Variants in APOLD1 observed in about 807,000 individuals in gnomAD.
APOLD1 encodes apolipoprotein L domain-containing protein 1.
APOLD1 carries 22 observed loss-of-function variants against 15.3 expected under a neutral mutation model. The observed-to-expected ratio is 1.44, with a 90% CI of 1.03 to 2.05. The LOEUF is 2.05. Ranked by LOEUF, APOLD1 falls within the 30% of genes most tolerant of loss-of-function variation. The pLI, the probability that APOLD1 is intolerant of heterozygous loss-of-function variation, is 0.00. For missense variants in APOLD1, 394 were observed against 353.5 expected (o/e 1.11, Z -0.92); for synonymous variants, 190 against 167.4 (o/e 1.13, Z -1.04).
intron 1 of APOLD1, among the ~76,000 whole-genome samples, chr12:12,774,399 A>T (rs1947012519): frequency 6.6e-6 from 1 of 151,700 alleles, no homozygotes. Context: ...TACAAAAATT[A>T]TCTGGGTATG....
chr12:12,783,083 G>A (rs1264318298), upstream of APOLD1, among the ~76,000 whole-genome samples: 1 of 152,016 alleles, frequency 6.6e-6, no homozygotes, highest in Non-Finnish European at 1.5e-5. Flanking sequence ...GTGCACGCCT[G>A]TAATCCCAGC....
At chr12:12,786,452 AGT>A (rs1947125048) in intron 1 of APOLD1, among the ~76,000 whole-genome samples, 1 of 152,090 alleles carries the variant, frequency 6.6e-6, no homozygotes, top group South Asian at 2.1e-4. Context: ...GAGAGAGAAA[AGT>A]GTGTTGCAAA....
At chr12:12,769,085 A>G (rs967692607) in intron 1 of APOLD1, among the ~76,000 whole-genome samples, 1 of 151,910 alleles carries the variant, frequency 6.6e-6, no homozygotes, top group Non-Finnish European at 1.5e-5. Context: ...AAAATTAGCC[A>G]GTCGTGGTGG....
At chr12:12,725,953 C>A (rs1199669897) in exon 1 of APOLD1, 5 of 1,396,960 alleles carry the variant, frequency 3.6e-6, no homozygotes, top group Non-Finnish European at 4.7e-6. Flanking sequence ...GGGCGGTCAG[C>A]GATCTGCAGC....
intron 1 of APOLD1, among the ~76,000 whole-genome samples, chr12:12,786,005 A>G (rs1156276912): frequency 6.6e-6 from 1 of 152,212 alleles, no homozygotes; most frequent in Non-Finnish European, 1.5e-5. Context: ...TACAGTGGAC[A>G]TGAAGGTGGG....
At chr12:12,726,155 CCA>C (rs1946591070) in intron 1 of APOLD1, 4 of 222,422 alleles carry the variant, frequency 1.8e-5, no homozygotes, top group Non-Finnish European at 3.0e-5. Flanking sequence ...CTCTTCGCAA[CCA>C]AAAAAAAAAA....
intron 1 of APOLD1, among the ~76,000 whole-genome samples, chr12:12,764,085 C>T (rs1946925321): frequency 6.6e-6 from 1 of 152,130 alleles, no homozygotes; most frequent in Admixed American, 6.5e-5. Flanking sequence ...GCCTCAGCCT[C>T]CCAAGTAGCT....
upstream of APOLD1, chr12:12,785,457 G>A (rs1331626497): frequency 1.7e-6 from 1 of 596,640 alleles, no homozygotes; most frequent in African/African-American, 1.9e-5. Flanking sequence ...TGCGTTCAGG[G>A]GAAAGCGAAC....
chr12:12,746,273 G>A (rs1330387169), intron 1 of APOLD1, among the ~76,000 whole-genome samples: 3 of 152,180 alleles, frequency 2.0e-5, no homozygotes, highest in South Asian at 4.1e-4. Flanking sequence ...AGGCGGGTGG[G>A]TCACCTGAGG....
intron 1 of APOLD1, among the ~76,000 whole-genome samples, chr12:12,785,941 G>A (rs1307406611): frequency 6.6e-6 from 1 of 152,150 alleles, no homozygotes; most frequent in Non-Finnish European, 1.5e-5. Context: ...GTTTTGAAAT[G>A]CTCTATTTCT....
At chr12:12,782,684 C>T (rs929726033), upstream of APOLD1, among the ~76,000 whole-genome samples, 1 of 151,836 alleles carries the variant, frequency 6.6e-6, no homozygotes, top group South Asian at 2.1e-4. Context: ...CAAAACAAAA[C>T]AAAAAAAGAG....
At chr12:12,776,743 A>G (rs1403287370) in intron 1 of APOLD1, among the ~76,000 whole-genome samples, 1 of 152,228 alleles carries the variant, frequency 6.6e-6, no homozygotes, top group Admixed American at 6.5e-5. Flanking sequence ...TTCCCTCAGC[A>G]AAAAGCAATG....
chr12:12,748,540 T>C (rs1333362880), intron 1 of APOLD1, among the ~76,000 whole-genome samples: 1 of 152,262 alleles, frequency 6.6e-6, no homozygotes, highest in African/African-American at 2.4e-5. Context: ...ATGTGATATT[T>C]TGATACATGC....
chr12:12,753,668 G>A (rs1946832157), intron 1 of APOLD1, among the ~76,000 whole-genome samples: 1 of 151,990 alleles, frequency 6.6e-6, no homozygotes, highest in African/African-American at 2.4e-5. Flanking sequence ...GTGAAACCCT[G>A]CCTCAAAAAA....
intron 1 of APOLD1, chr12:12,764,625 G>A (rs1174405847): frequency 6.6e-6 from 3 of 454,754 alleles, no homozygotes; most frequent in Non-Finnish European, 1.3e-5. Flanking sequence ...TCTACTAGGT[G>A]TGGGCTTTAT....
chr12:12,765,837 T>G (rs767516946), intron 1 of APOLD1, among the ~76,000 whole-genome samples: 3 of 152,156 alleles, frequency 2.0e-5, no homozygotes, highest in Non-Finnish European at 2.9e-5. Flanking sequence ...ACCACTGTCG[T>G]CCAGTCTGAG....
At chr12:12,732,752 AAAAAAG>A (rs1374008220) in intron 1 of APOLD1, among the ~76,000 whole-genome samples, 2 of 151,748 alleles carry the variant, frequency 1.3e-5, no homozygotes, top group Non-Finnish European at 2.9e-5. Flanking sequence ...AAAAGAAAAG[AAAAAAG>A]AAAAAGAAAA....
intron 1 of APOLD1, among the ~76,000 whole-genome samples, chr12:12,762,138 A>G (rs1946906164): frequency 6.6e-6 from 1 of 152,056 alleles, no homozygotes; most frequent in Admixed American, 6.6e-5. Flanking sequence ...TGAAGTGCCT[A>G]GAGACTAGCA....
At chr12:12,748,314 T>C (rs951176104) in intron 1 of APOLD1, among the ~76,000 whole-genome samples, 3 of 152,296 alleles carry the variant, frequency 2.0e-5, no homozygotes, top group Middle Eastern at 3.4e-3. Flanking sequence ...TTTTATGTTG[T>C]TTTGCACTAT....
Sources: allele counts gnomAD v4.1 joint callset (sites outside exome capture counted in the v4.1 genomes callset), GRCh38; gene constraint gnomAD v4.1.1; transcripts MANE v1.5; gene names NCBI Gene and HGNC (gene_info 2026-07-23, HGNC 2026-07-21).